Variants in PTPRJ observed in about 807,000 individuals in gnomAD.
PTPRJ encodes receptor-type tyrosine-protein phosphatase eta.
In PTPRJ, 129 loss-of-function variants were observed where a neutral mutation model predicts 141.3. The observed-to-expected ratio is 0.91, with a 90% CI of 0.79 to 1.06. The LOEUF (loss-of-function observed/expected upper bound fraction) is 1.06, where lower values mean the gene tolerates loss of function less well. Ranked by LOEUF, PTPRJ falls within the 50% of genes least tolerant of loss-of-function variation. PTPRJ has a pLI of 0.00. For synonymous variants in PTPRJ, 610 were observed against 640.5 expected (o/e 0.95, Z 0.72); for missense variants, 1,601 against 1,679.7 (o/e 0.95, Z 0.82).
At chr11:48,040,371 C>T (rs1854243793) in intron 1 of PTPRJ, among the ~76,000 whole-genome samples, 1 of 152,202 alleles carries the variant, frequency 6.6e-6, no homozygotes, top group Non-Finnish European at 1.5e-5. Flanking sequence ...GGCTAGTCTC[C>T]TTATGTACAC....
chr11:48,120,835 A>G (rs1399566763), intron 3 of PTPRJ, among the ~76,000 whole-genome samples, 168 bp from the exon 4 acceptor site: 1 of 152,210 alleles, frequency 6.6e-6, no homozygotes, highest in Non-Finnish European at 1.5e-5. Context: ...ACATACATGT[A>G]TGCATATGGA....
rs143743785 is a variant in PTPRJ at position 48,003,872 on chromosome 11, T to A, written c.96+22864T>A. ...GGTGGCTGCCTCACACCACTTTTTG[T>A]CCGTGTGTGAGACTCACATAGAGGC... On this transcript the variant is annotated intron_variant, in intron 1 of 24. Transcript: ENST00000418331. Among the ~76,000 whole-genome samples the A allele has an allele frequency of 1.4e-4, 22 of 152,348 alleles. No individual in the cohort carries two copies. In the East Asian group the frequency reaches 4.2e-3, roughly 29 times the overall value.
chr11:48,074,447 C>T (rs1855345831), intron 1 of PTPRJ, among the ~76,000 whole-genome samples: 1 of 152,142 alleles, frequency 6.6e-6, no homozygotes, highest in Non-Finnish European at 1.5e-5. Context: ...AATTAATAGA[C>T]AGTATTTAGA....
chr11:47,980,977 C>A lies in PTPRJ; in HGVS notation c.65C>A (p.Pro22Gln). The A allele has an allele frequency of 8.4e-7, 1 of 1,191,918 alleles. No homozygotes were observed. The highest frequency in any genetic ancestry group is 4.2e-5 in the South Asian group (1 of 23,678). The allele number at this position is 1,191,918 out of a possible 1,614,324, so 73.8% of individuals were successfully genotyped here. ...TCGCCCGGGCTGCGCTGGGCGCTGC[C>A]GCTGCTGCTGCTGCTGCTGCGCCTG... ...PRSPGLRWAL[P>Q]LLLLLLRLGQ... Residue 22 changes from proline (P) to glutamine (Q), a missense_variant, in exon 1 of 25, where the codon CCG becomes CAG. Transcript: ENST00000418331.
intron 2 of PTPRJ, among the ~76,000 whole-genome samples, chr11:48,110,760 G>A (rs1461785992): frequency 6.6e-6 from 1 of 152,140 alleles, no homozygotes; most frequent in Non-Finnish European, 1.5e-5. Flanking sequence ...GTGGAAGATC[G>A]TCATAACCTT....
At chr11:48,052,890 C>T (rs187355101) in intron 1 of PTPRJ, among the ~76,000 whole-genome samples, 72 of 151,416 alleles carry the variant, frequency 4.8e-4, no homozygotes, top group African/African-American at 1.4e-3. Flanking sequence ...CTATGCAGTA[C>T]GTGGGCCACC....
Position 48,169,795 on chromosome 11 carries a change from G to A in PTPRJ, c.*2433G>A, listed in dbSNP as rs1316291696. 1 of 152,208 alleles carries A rather than the reference G, an allele frequency of 6.6e-6. No individual in the cohort carries two copies. The highest frequency in any genetic ancestry group is 1.9e-4 in the East Asian group (1 of 5,192). 9.4% of individuals were successfully genotyped at this position (152,208 alleles called of 1,614,324 possible). A position where few individuals can be genotyped will look rare whatever the true frequency, so the allele number is the denominator to read the frequency against. On this transcript the variant is annotated 3_prime_UTR_variant, in exon 25 of 25. Transcript: ENST00000418331. ...CAGGAACCCTCTTCCCTTCCGCCTG[G>A]TGTGGGCTTGGGAAATGGGCAAGCG...
chr11:48,149,012 C>T lies in PTPRJ; in HGVS notation c.3000-435C>T, dbSNP rs543413338. 2.0e-5 allele frequency among the ~76,000 whole-genome samples: 3 copies of T among 152,312 alleles called. No homozygotes were observed. The South Asian group carries it at 6.2e-4, about 32-fold the overall frequency. ...CTTAAATACCAATGCAGAGTTGAGT[C>T]AACAGTGCAGGAGTGTGCAGATGCC... On this transcript the variant is annotated intron_variant, in intron 15 of 24. Coordinates refer to ENST00000418331, the MANE Select transcript of PTPRJ (RefSeq NM_002843.4).
intron 1 of PTPRJ, among the ~76,000 whole-genome samples, chr11:48,096,318 C>G (rs980950479): frequency 6.6e-6 from 1 of 152,106 alleles, no homozygotes; most frequent in African/African-American, 2.4e-5. Context: ...GTATGAAAAC[C>G]GTATGGAGTT....
intron 6 of PTPRJ, among the ~76,000 whole-genome samples, chr11:48,126,335 A>T (rs991052535): frequency 6.6e-6 from 1 of 151,964 alleles, no homozygotes; most frequent in African/African-American, 2.4e-5. Flanking sequence ...CTTTGGGTTG[A>T]ACTGTCTTCA....
Position 48,112,952 on chromosome 11 carries a change from T to C in PTPRJ, c.321T>C (p.Asp107=). ...CTGAACAAGGATCTAATGGGACTGA[T>C]GGGGCATCTCAAAAAACTCCCAGTA... ...RTPEQGSNGT[D]GASQKTPSST... The change falls in exon 3 of 25, where the codon GAT becomes GAC. Residue 107 remains aspartate, a synonymous_variant. Transcript: ENST00000418331. 1 of 1,614,124 alleles carries C rather than the reference T, an allele frequency of 6.2e-7. No individual in the cohort carries two copies. Among genetic ancestry groups the C allele is most frequent in the Non-Finnish European group, 8.5e-7 (1 of 1,179,940 alleles).
At chr11:48,107,262 AAAG>A (rs2134320882) in intron 1 of PTPRJ, among the ~76,000 whole-genome samples, 1 of 152,158 alleles carries the variant, frequency 6.6e-6, no homozygotes, top group South Asian at 2.1e-4. Flanking sequence ...GGAAAAAAAA[AAAG>A]AGAAAAGAAA....
intron 3 of PTPRJ, among the ~76,000 whole-genome samples, chr11:48,117,570 A>T (rs1157216695): frequency 7.4e-6 from 1 of 134,986 alleles, no homozygotes; most frequent in African/African-American, 2.7e-5. Flanking sequence ...AAAAAAAAAA[A>T]AAAAAGCAAG....
intron 1 of PTPRJ, among the ~76,000 whole-genome samples, chr11:48,076,585 A>G (rs1284778286): frequency 6.6e-6 from 1 of 151,824 alleles, no homozygotes; most frequent in African/African-American, 2.4e-5. Context: ...CACTTCAAAG[A>G]GTTGACTTCA....
chr11:48,076,583 A>G (rs75052862), intron 1 of PTPRJ, among the ~76,000 whole-genome samples: 3,751 of 152,000 alleles, frequency 0.025, 152 homozygotes, highest in African/African-American at 0.085. Flanking sequence ...CTCACTTCAA[A>G]GAGTTGACTT....
chr11:48,002,231 G>T (rs921000680), intron 1 of PTPRJ, among the ~76,000 whole-genome samples: 3 of 150,694 alleles, frequency 2.0e-5, no homozygotes, highest in African/African-American at 7.3e-5. Context: ...TCTGCTTCCC[G>T]GGTTCAAGTG....
intron 1 of PTPRJ, among the ~76,000 whole-genome samples, chr11:48,048,979 G>A (rs988082621): frequency 6.6e-6 from 1 of 152,176 alleles, no homozygotes; most frequent in African/African-American, 2.4e-5. Context: ...GGAGGGCTGT[G>A]TGGCACCCAG....
At chr11:48,082,676 G>T (rs2134287163) in intron 1 of PTPRJ, among the ~76,000 whole-genome samples, 1 of 151,190 alleles carries the variant, frequency 6.6e-6, no homozygotes, top group Non-Finnish European at 1.5e-5. Flanking sequence ...GGCTGTTCTG[G>T]AACTCCTGGC....
In PTPRJ at chr11:48,168,532, GTGTATATATATATATATATATATATATA is replaced by G. The variant is rs1283088353; in HGVS notation, c.*1172_*1199del. The stretch of plus-strand genomic sequence containing the variant: ...GCCGTGACACATATCGGAATCTACT[GTGTATATATATATATATATATATATATA>G]TATATATATATATATATATATACAC... On this transcript the variant is annotated 3_prime_UTR_variant, in exon 25 of 25. Transcript: ENST00000418331. 2.9e-3 allele frequency: 126 copies of G among 43,914 alleles called. 10 individuals carry two copies. Among genetic ancestry groups the G allele is most frequent in the East Asian group, 0.013 (15 of 1,122 alleles). The allele number at this position is 43,914 out of a possible 1,614,324, so 2.7% of individuals were successfully genotyped here.
Sources: allele counts gnomAD v4.1 joint callset (sites outside exome capture counted in the v4.1 genomes callset), GRCh38; gene constraint gnomAD v4.1.1; transcripts MANE v1.5; gene names NCBI Gene and HGNC (gene_info 2026-07-23, HGNC 2026-07-21).